Variants in CCDC197 observed in about 807,000 individuals in gnomAD.
The protein encoded by CCDC197 is uncharacterized protein CCDC197.
CCDC197 carries 24 observed loss-of-function variants against 13.4 expected under a neutral mutation model. That is an observed-to-expected ratio of 1.80 (90% CI 1.30 to 2.53). CCDC197 has a LOEUF of 2.53. Ranked by LOEUF, CCDC197 falls within the 30% of genes most tolerant of loss-of-function variation. The pLI is 0.00. For synonymous variants in CCDC197, 99 were observed against 55.5 expected (o/e 1.78, Z -3.48); for missense variants, 255 against 148.8 (o/e 1.71, Z -3.71).
At position 93,999,758 on chromosome 14, in the gene CCDC197, G is replaced by A. The variant is rs74720682; in HGVS notation, c.187+93G>A. ...ACCGTGTGTGGCCTCATGGAGCCAC[G>A]AGCTGCTCATCTACAGAATGGGAAT... On this transcript the variant is annotated intron_variant, in intron 3 of 6. Coordinates refer to ENST00000636493, the MANE Select transcript of CCDC197 (RefSeq NM_001351596.2). The A allele has an allele frequency of 2.7e-3, 2,021 of 738,600 alleles. 33 individuals carry two copies. The African/African-American group carries it at 0.03, about 11-fold the overall frequency. The allele number at this position is 738,600 out of a possible 1,614,324, so 45.8% of individuals were successfully genotyped here.
intron 1 of CCDC197, among the ~76,000 whole-genome samples, chr14:93,987,782 C>T (rs990808886): frequency 4.6e-5 from 7 of 151,980 alleles, no homozygotes; most frequent in Non-Finnish European, 8.8e-5. Context: ...CTGCAGGAGA[C>T]GAGTGCCCAG....
At chr14:93,989,046 T>C (rs1433002226) in intron 1 of CCDC197, among the ~76,000 whole-genome samples, 1 of 151,946 alleles carries the variant, frequency 6.6e-6, no homozygotes, top group Non-Finnish European at 1.5e-5. Context: ...AAAGAGATTG[T>C]GTAAACTGCA....
intron 3 of CCDC197, 130 bp from the exon 4 acceptor site, chr14:94,001,015 G>T: frequency 3.5e-6 from 2 of 574,672 alleles, no homozygotes; most frequent in Non-Finnish European, 3.1e-6. Context: ...TACTGTCTGG[G>T]GTCATCCTAC....
At chr14:93,998,579 A>G (rs568447207) in intron 2 of CCDC197, among the ~76,000 whole-genome samples, 19 of 152,158 alleles carry the variant, frequency 1.2e-4, no homozygotes, top group Non-Finnish European at 2.2e-4. Flanking sequence ...CTTGACTCTT[A>G]GTGGTGACCC....
intron 5 of CCDC197, among the ~76,000 whole-genome samples, chr14:94,004,376 G>A (rs774150171): frequency 1.3e-5 from 2 of 152,190 alleles, no homozygotes; most frequent in Non-Finnish European, 2.9e-5. Flanking sequence ...ACTGGGCCTC[G>A]AGGGATCTGA....
intron 6 of CCDC197, among the ~76,000 whole-genome samples, chr14:94,005,695 C>A (rs1489352966): frequency 6.4e-4 from 98 of 152,222 alleles, no homozygotes; most frequent in Non-Finnish European, 1.2e-4. Flanking sequence ...GCCATTACCC[C>A]TCTCTAATTC....
intron 6 of CCDC197, among the ~76,000 whole-genome samples, chr14:94,005,444 C>T (rs1567044781): frequency 2.0e-5 from 3 of 152,206 alleles, no homozygotes; most frequent in South Asian, 2.1e-4. Flanking sequence ...GAGGGAGCCT[C>T]TTGCACAGGG....
At chr14:93,990,766 GC>G (rs1407578270) in intron 1 of CCDC197, among the ~76,000 whole-genome samples, 1 of 152,228 alleles carries the variant, frequency 6.6e-6, no homozygotes, top group Non-Finnish European at 1.5e-5. Flanking sequence ...GCAGAAAAAG[GC>G]CACAGATGCT....
intron 5 of CCDC197, among the ~76,000 whole-genome samples, chr14:94,004,218 C>T (rs17129420): frequency 1.2e-4 from 18 of 152,208 alleles, no homozygotes; most frequent in South Asian, 4.1e-4. Context: ...TCGCCATAAA[C>T]GGAGGCAACA....
At chr14:94,002,905 G>T (rs907215960) in intron 4 of CCDC197, among the ~76,000 whole-genome samples, 1 of 151,346 alleles carries the variant, frequency 6.6e-6, no homozygotes, top group Non-Finnish European at 1.5e-5. Flanking sequence ...TGGACTCGCA[G>T]TTCTACATGG....
chr14:94,004,819 G>T, intron 5 of CCDC197, 36 bp from the exon 6 acceptor site: 2 of 699,700 alleles, frequency 2.9e-6, no homozygotes, highest in Middle Eastern at 2.3e-4. Context: ...CTGGGAGAGA[G>T]CCTGAGCCAC....
upstream of CCDC197, among the ~76,000 whole-genome samples, chr14:93,996,014 G>C (rs745498612): frequency 2.6e-5 from 4 of 152,182 alleles, no homozygotes; most frequent in African/African-American, 7.2e-5. Flanking sequence ...CTTTGTCCCT[G>C]CCATTCCTTC....
At chr14:94,009,703 T>C (rs561612078), downstream of CCDC197, among the ~76,000 whole-genome samples, 261 of 152,184 alleles carry the variant, frequency 1.7e-3, 1 homozygote, top group African/African-American at 5.9e-3. Context: ...CACTCCAGTG[T>C]GGGTGACAGA....
At chr14:94,008,439 C>G (rs1029715855) in intron 6 of CCDC197, among the ~76,000 whole-genome samples, 170 bp from the exon 7 acceptor site, 1 of 152,234 alleles carries the variant, frequency 6.6e-6, no homozygotes, top group African/African-American at 2.4e-5. Flanking sequence ...CCTAACCTCT[C>G]TGAGCCTCTG....
Position 93,998,245 on chromosome 14 carries a change from G to A in CCDC197, c.104+10G>A, listed in dbSNP as rs761155551. ...ACCAGCTCCAGGCTAAGTATGTGTTGTCCCACCCCTGCCCCAGCCCCAGCC... is the reference window on the plus strand; with the variant it reads ...ACCAGCTCCAGGCTAAGTATGTGTTATCCCACCCCTGCCCCAGCCCCAGCC... On this transcript the variant is annotated intron_variant, in intron 2 of 6. Coordinates refer to ENST00000636493, the MANE Select transcript of CCDC197 (RefSeq NM_001351596.2). 2.1e-5 allele frequency: 16 copies of A among 778,338 alleles called. No homozygotes were observed. The highest frequency in any genetic ancestry group is 3.3e-5 in the Non-Finnish European group (14 of 417,966). 48.2% of individuals were successfully genotyped at this position (778,338 alleles called of 1,614,324 possible). A position where few individuals can be genotyped will look rare whatever the true frequency, so the allele number is the denominator to read the frequency against.
rs950513258 is a variant in CCDC197, at chr14:94,003,518, C to T, written c.498+164C>T. 3.3e-5 allele frequency among the ~76,000 whole-genome samples: 5 copies of T among 151,234 alleles called. No homozygotes were observed. The highest frequency in any genetic ancestry group is 2.9e-5 in the Non-Finnish European group (2 of 67,804). Reference sequence around the variant, plus strand: ...GCACACACACAGCCAGACACACACACCCACAGACATAGTCACAGCCAGACA... The same window carrying T: ...GCACACACACAGCCAGACACACACATCCACAGACATAGTCACAGCCAGACA... On this transcript the variant is annotated intron_variant, in intron 5 of 6. Transcript: ENST00000636493. This position sits in a 1 kb window ranked among gnomAD's most constrained non-coding sequence, Gnocchi z 5.0.
upstream of CCDC197, chr14:93,997,284 G>C (rs775560661): frequency 1.3e-5 from 2 of 152,326 alleles, no homozygotes; most frequent in African/African-American, 2.4e-5. Flanking sequence ...TTGTGCTCCT[G>C]GAGCTGTAGG....
At chr14:93,988,032 A>G (rs1009000297) in intron 1 of CCDC197, among the ~76,000 whole-genome samples, 2 of 105,178 alleles carry the variant, frequency 1.9e-5, no homozygotes, top group East Asian at 6.7e-4. Flanking sequence ...GGGTGAGGCC[A>G]GAGAGGAGAA....
downstream of CCDC197, among the ~76,000 whole-genome samples, chr14:94,011,049 G>A (rs540518882): frequency 6.6e-6 from 1 of 152,296 alleles, no homozygotes; most frequent in South Asian, 2.1e-4. Context: ...CACTGCTTTA[G>A]AGTAATGGCA....
Sources: gnomAD v4.1 joint callset for allele counts (sites outside exome capture counted in the v4.1 genomes callset) on GRCh38, gnomAD v4.1.1 for gene constraint, Gnocchi (gnomAD v3.1) non-coding constraint, MANE v1.5 for transcripts, NCBI Gene and HGNC (gene_info 2026-07-23, HGNC 2026-07-21) for gene names.